UBXN11: variants seen among roughly 807,000 people sequenced by gnomAD.
UBXN11 encodes the protein UBX domain-containing protein 11.
A neutral mutation model predicts 62.8 loss-of-function variants in UBXN11; 47 were observed. The observed-to-expected ratio is 0.75, with a 90% CI of 0.59 to 0.95. UBXN11 has a LOEUF of 0.95. Ranked by LOEUF, UBXN11 falls within the 40% of genes least tolerant of loss-of-function variation. The probability of loss-of-function intolerance (pLI) is 0.00; values close to 1 mark genes in which losing one functional copy is unlikely to be tolerated. For synonymous variants in UBXN11, 294 were observed against 267.0 expected, an observed-to-expected ratio of 1.10 and a Z score of -0.99; for missense variants, 638 against 661.7, an observed-to-expected ratio of 0.96 and a Z score of 0.39.
chr1:26,282,361 G>GGCCGGGACCGGGACAGGGACTGGA lies in UBXN11; in HGVS notation c.1500_1501insTCCAGTCCCTGTCCCGGTCCCGGC (p.Gly500_Pro501insSerSerProCysProGlyProGly), dbSNP rs2073010140. 1 of 180,284 alleles carries GGCCGGGACCGGGACAGGGACTGGA rather than the reference G, an allele frequency of 5.5e-6. No individual in the cohort carries two copies. Among genetic ancestry groups the GGCCGGGACCGGGACAGGGACTGGA allele is most frequent in the South Asian group, 3.9e-5 (1 of 25,414 alleles). 11.2% of individuals were successfully genotyped at this position (180,284 alleles called of 1,614,324 possible). On this transcript the variant is annotated inframe_insertion, in exon 15 of 15. Transcript: ENST00000374222. The stretch of plus-strand genomic sequence containing the variant: ...GGGCCGGGACCGGGACCGGGACTGG[G>GGCCGGGACCGGGACAGGGACTGGA]GCCGGGACCGGGACCGGGACTGGGG...
rs1469304448 is a variant in UBXN11 at position 26,298,027 on chromosome 1, T to C, written c.235A>G (p.Met79Val). The C allele has an allele frequency of 1.2e-6, 2 of 1,613,756 alleles. No individual in the cohort carries two copies. Among genetic ancestry groups the C allele is most frequent in the African/African-American group, 2.7e-5 (2 of 74,914 alleles). Residue 79 changes from methionine to valine, a missense_variant, in exon 5 of 15, where the codon ATG becomes GTG. By Grantham distance (21) the Met-to-Val change is conservative (BLOSUM62 1). Coordinates refer to ENST00000374222, the MANE Select transcript of UBXN11 (RefSeq NM_001389556.1). ...ASHDSELMAF[M>V]TRKLWDLEQQ... ...TCCAGGTCCCACAACTTCCTCGTCA[T>C]GAAGGCCATCAGCTCCGAGTCATGG...
chr1:26,317,417 A>G (rs1026916305), intron 1 of UBXN11, among the ~76,000 whole-genome samples: 2 of 152,026 alleles, frequency 1.3e-5, no homozygotes, highest in East Asian at 3.9e-4. Context: ...CAACCCTTCC[A>G]CAATCTAAAC....
At chr1:26,295,289 G>A (rs2073366001) in intron 7 of UBXN11, among the ~76,000 whole-genome samples, 1 of 151,986 alleles carries the variant, frequency 6.6e-6, no homozygotes, top group Non-Finnish European at 1.5e-5. Flanking sequence ...CATCCACTGG[G>A]CTCCATCTGC....
At chr1:26,315,475 C>A (rs2073782691) in intron 1 of UBXN11, among the ~76,000 whole-genome samples, 1 of 152,216 alleles carries the variant, frequency 6.6e-6, no homozygotes, top group Non-Finnish European at 1.5e-5. Flanking sequence ...CTCACCCCCA[C>A]AGGCACACCA....
At position 26,294,297 on chromosome 1, in the gene UBXN11, C is replaced by A. The variant is rs1438585104; in HGVS notation, c.467G>T (p.Gly156Val). 4 of 1,614,060 alleles carry A rather than the reference C, an allele frequency of 2.5e-6. No individual in the cohort carries two copies. Among genetic ancestry groups the A allele is most frequent in the Non-Finnish European group, 3.4e-6 (4 of 1,180,012 alleles). ...TGAGTCCTCCTGGTCCATGGGCTCG[C>A]CCACCCACTGCAGGCCATAGTCACT... ...FLSDYGLQWV[G>V]EPMDQEDSES... The change falls in exon 8 of 15, where the codon GGC becomes GTC. Residue 156 changes from glycine (G) to valine (V), a missense_variant. Transcript: ENST00000374222.
At chr1:26,293,221 C>T (rs928165198) in intron 8 of UBXN11, among the ~76,000 whole-genome samples, 1 of 152,168 alleles carries the variant, frequency 6.6e-6, no homozygotes, top group Admixed American at 6.6e-5. Flanking sequence ...AGGTCATCTG[C>T]CCAAGTCACA....
At position 26,285,897 on chromosome 1, in the gene UBXN11, G is replaced by A. The variant is rs772419611; in HGVS notation, c.700C>T (p.Pro234Ser). Residue 234 changes from proline (P) to serine (S), a missense_variant, in exon 9 of 15, where the codon CCG becomes TCG. Coordinates refer to ENST00000374222, the MANE Select transcript of UBXN11 (RefSeq NM_001389556.1). ...ATGCCATTCCGGTAGAGCTTCAGCG[G>A]GATGGGCTCGAGGGTACGCAGCCGT... is the stretch of plus-strand genomic sequence containing the variant. ...GARLRTLEPI[P>S]LKLYRNGIMM... 6.2e-7 allele frequency: 1 copy of A among 1,613,520 alleles called. No individual in the cohort carries two copies. The highest frequency in any genetic ancestry group is 1.7e-5 in the Admixed American group (1 of 59,996).
chr1:26,303,630 CAAAAAA>C (rs5773154), intron 1 of UBXN11, among the ~76,000 whole-genome samples: 1 of 80,072 alleles, frequency 1.2e-5, no homozygotes, highest in Non-Finnish European at 2.2e-5. Flanking sequence ...AACTCCATCT[CAAAAAA>C]AAAAAAAAAA....
intron 1 of UBXN11, among the ~76,000 whole-genome samples, chr1:26,306,051 T>C (rs1194078285): frequency 6.6e-6 from 1 of 152,220 alleles, no homozygotes; most frequent in Non-Finnish European, 1.5e-5. Flanking sequence ...CCCTGTCCGT[T>C]TGGGGGGACT....
chr1:26,302,362 T>TAAAAAAAAAAAA (rs56003085), intron 2 of UBXN11, among the ~76,000 whole-genome samples: 3 of 69,560 alleles, frequency 4.3e-5, no homozygotes, highest in Admixed American at 2.2e-4. Flanking sequence ...ACTTGGTCTT[T>TAAAAAAAAAAAA]AAAAAAAAAA....
chr1:26,282,782 CCTG>C lies in UBXN11; in HGVS notation c.1156_1158del (p.Gln386del), dbSNP rs765560694. 1.2e-6 allele frequency: 2 copies of C among 1,614,150 alleles called. No individual in the cohort carries two copies. Among genetic ancestry groups the C allele is most frequent in the Admixed American group, 3.3e-5 (2 of 60,034 alleles). On this transcript the variant is annotated inframe_deletion, in exon 14 of 15. Coordinates refer to ENST00000374222, the MANE Select transcript of UBXN11 (RefSeq NM_001389556.1). ...GGGGGTGCCGGCGTGTTGGGTGACTCCTGGCTCCTGCACAGCCCAGAGGCCATC... is the reference window on the plus strand; with the variant it reads ...GGGGGTGCCGGCGTGTTGGGTGACTCGCTCCTGCACAGCCCAGAGGCCATC...
At position 26,282,284 on chromosome 1, in the gene UBXN11, G is replaced by A. The variant is rs1400553473; in HGVS notation, c.*15C>T. The A allele has an allele frequency of 6.8e-7, 1 of 1,480,022 alleles. No individual in the cohort carries two copies. Among genetic ancestry groups the A allele is most frequent in the Admixed American group, 2.8e-5 (1 of 35,770 alleles). 91.7% of individuals were successfully genotyped at this position (1,480,022 alleles called of 1,614,324 possible). A position where few individuals can be genotyped will look rare whatever the true frequency, so the allele number is the denominator to read the frequency against. The stretch of plus-strand genomic sequence containing the variant: ...CAAGAGCCTGGCGGAGCAGCGGGTT[G>A]AGGGGGCGGGTGCTTTATTGGGGGC... On this transcript the variant is annotated 3_prime_UTR_variant, in exon 15 of 15. Coordinates refer to ENST00000374222, the MANE Select transcript of UBXN11 (RefSeq NM_001389556.1).
rs560005497 is a variant in UBXN11, at chr1:26,285,049, T to C, written c.852+415A>G. 28 of 1,013,282 alleles carry C rather than the reference T, an allele frequency of 2.8e-5. No individual in the cohort carries two copies. The African/African-American group carries it at 4.1e-4, about 15-fold the overall frequency. The allele number at this position is 1,013,282 out of a possible 1,614,324, so 62.8% of individuals were successfully genotyped here. A position where few individuals can be genotyped will look rare whatever the true frequency, so the allele number is the denominator to read the frequency against. On this transcript the variant is annotated intron_variant, in intron 10 of 14. Coordinates refer to ENST00000374222, the MANE Select transcript of UBXN11 (RefSeq NM_001389556.1). The stretch of plus-strand genomic sequence containing the variant: ...TGGCACCTACCCATGGGGCCAGCTC[T>C]ACCTCATGTCTTTGAGTCCCAACAT...
intron 8 of UBXN11, among the ~76,000 whole-genome samples, chr1:26,287,996 G>A (rs545006964): frequency 3.9e-4 from 59 of 151,440 alleles, no homozygotes; most frequent in African/African-American, 1.3e-3. Context: ...GTGACCTCCC[G>A]GGTTCAACTT....
At chr1:26,317,251 CAACAA>C (rs1458865123) in intron 1 of UBXN11, among the ~76,000 whole-genome samples, 1 of 151,470 alleles carries the variant, frequency 6.6e-6, no homozygotes, top group Non-Finnish European at 1.5e-5. Flanking sequence ...AAACCAACAA[CAACAA>C]AACAAAACAC....
intron 1 of UBXN11, chr1:26,318,038 CCTA>C: frequency 6.2e-7 from 1 of 1,614,200 alleles, no homozygotes; most frequent in East Asian, 2.2e-5. Context: ...TCCTCTTCCT[CCTA>C]CTCACCATCA....
intron 13 of UBXN11, 36 bp downstream of exon 13, chr1:26,282,828 C>A: frequency 1.2e-6 from 2 of 1,614,042 alleles, no homozygotes; most frequent in Non-Finnish European, 1.7e-6. Context: ...GGTGACCCAA[C>A]GCCCCCAGGC....
chr1:26,297,100 G>T (rs990986567), intron 6 of UBXN11, 105 bp from the exon 7 acceptor site: 2 of 1,333,800 alleles, frequency 1.5e-6, no homozygotes, highest in Non-Finnish European at 1.0e-6. Context: ...GATCCCCCAA[G>T]AACTGCCTCT....
At chr1:26,299,232 C>T (rs1049009489) in intron 4 of UBXN11, among the ~76,000 whole-genome samples, 3 of 152,064 alleles carry the variant, frequency 2.0e-5, no homozygotes, top group African/African-American at 7.2e-5. Flanking sequence ...AGCTGAGGGC[C>T]TGGGTGCAGT....
Sources: gnomAD v4.1 joint callset for allele counts (sites outside exome capture counted in the v4.1 genomes callset) on GRCh38, gnomAD v4.1.1 for gene constraint, MANE v1.5 for transcripts, NCBI Gene and HGNC (gene_info 2026-07-23, HGNC 2026-07-21) for gene names.